Variants in SORCS1 observed in about 807,000 individuals in gnomAD.
The protein encoded by SORCS1 is VPS10 domain-containing receptor SorCS1.
In SORCS1, 60 loss-of-function variants were observed where a neutral mutation model predicts 146.1. The observed-to-expected ratio is 0.41, with a 90% CI of 0.33 to 0.51. SORCS1 has a LOEUF of 0.51. SORCS1 is among the 20% of genes least tolerant of loss of function. SORCS1 has a pLI of 0.21. For missense variants in SORCS1, 1,352 were observed against 1,487.6 expected, an observed-to-expected ratio of 0.91 and a Z score of 1.50; for synonymous variants, 637 against 584.0, an observed-to-expected ratio of 1.09 and a Z score of -1.31.
At chr10:106,612,224 T>C (rs1847041554) in intron 21 of SORCS1, among the ~76,000 whole-genome samples, 1 of 151,798 alleles carries the variant, frequency 6.6e-6, no homozygotes. Flanking sequence ...AGCGGAGAGT[T>C]TAATAGGCAA....
chr10:106,788,383 G>A (rs1466538807), intron 3 of SORCS1, among the ~76,000 whole-genome samples: 2 of 152,080 alleles, frequency 1.3e-5, no homozygotes, highest in Non-Finnish European at 2.9e-5. Context: ...GCATTGACTC[G>A]AAAATCTACA....
At chr10:106,979,335 G>T (rs1231447668) in intron 1 of SORCS1, among the ~76,000 whole-genome samples, 1 of 152,150 alleles carries the variant, frequency 6.6e-6, no homozygotes, top group African/African-American at 2.4e-5. Flanking sequence ...GGAACCCAGA[G>T]TCAAGATAAT....
At chr10:106,752,931 T>A (rs1424015413) in intron 5 of SORCS1, among the ~76,000 whole-genome samples, 2 of 152,296 alleles carry the variant, frequency 1.3e-5, no homozygotes, top group East Asian at 3.9e-4. Context: ...AAGCCTATTT[T>A]TAAAAAGCTG....
intron 2 of SORCS1, among the ~76,000 whole-genome samples, chr10:106,843,957 C>A (rs890036243): frequency 2.0e-5 from 3 of 152,120 alleles, no homozygotes; most frequent in African/African-American, 4.8e-5. Flanking sequence ...CATATTTAAA[C>A]TTTTAGGAGC....
At chr10:107,100,037 G>A (rs371419167) in intron 1 of SORCS1, among the ~76,000 whole-genome samples, 102 of 152,308 alleles carry the variant, frequency 6.7e-4, no homozygotes, top group Non-Finnish European at 1.2e-3. Flanking sequence ...CTGTTCCTGA[G>A]AAGCTGCAAT....
intron 3 of SORCS1, among the ~76,000 whole-genome samples, chr10:106,799,652 A>T (rs1475760736): frequency 6.6e-6 from 1 of 152,234 alleles, no homozygotes; most frequent in Non-Finnish European, 1.5e-5. Context: ...ACTGGCCATC[A>T]GAGAAACGCA....
intron 2 of SORCS1, among the ~76,000 whole-genome samples, chr10:106,843,545 C>T (rs186249628): frequency 1.2e-3 from 184 of 151,782 alleles, no homozygotes; most frequent in African/African-American, 4.4e-3. Flanking sequence ...CATTCTCCCA[C>T]CTCAGCCTCC....
intron 1 of SORCS1, among the ~76,000 whole-genome samples, chr10:107,073,350 A>C (rs942260206): frequency 2.6e-5 from 4 of 152,210 alleles, no homozygotes; most frequent in Non-Finnish European, 5.9e-5. Flanking sequence ...GCATTTCTTC[A>C]ATAAAAATAT....
At chr10:107,010,907 G>A (rs1035804954) in intron 1 of SORCS1, among the ~76,000 whole-genome samples, 1 of 152,104 alleles carries the variant, frequency 6.6e-6, no homozygotes, top group Non-Finnish European at 1.5e-5. Flanking sequence ...TCACCCCACT[G>A]AGACAGGAAC....
intron 6 of SORCS1, among the ~76,000 whole-genome samples, chr10:106,728,667 A>T (rs11598981): frequency 0.44 from 66,893 of 152,104 alleles, 14,791 homozygotes; most frequent in African/African-American, 0.48. Context: ...TATAGGGTTG[A>T]CCTGCTTTGT....
At chr10:106,959,710 G>A (rs943397806) in intron 1 of SORCS1, among the ~76,000 whole-genome samples, 3 of 152,140 alleles carry the variant, frequency 2.0e-5, no homozygotes, top group African/African-American at 4.8e-5. Flanking sequence ...TGGGAGTCTC[G>A]CTCTATTGCT....
At chr10:106,799,660 G>A (rs769847767) in intron 3 of SORCS1, among the ~76,000 whole-genome samples, 8 of 152,154 alleles carry the variant, frequency 5.3e-5, no homozygotes, top group Non-Finnish European at 1.0e-4. Flanking sequence ...TCAGAGAAAC[G>A]CAGATCAAAA....
chr10:107,157,544 C>G (rs1055028382), intron 1 of SORCS1, among the ~76,000 whole-genome samples: 1 of 152,086 alleles, frequency 6.6e-6, no homozygotes, highest in African/African-American at 2.4e-5. Context: ...GAAAAAAGGG[C>G]TATAACTGAT....
intron 1 of SORCS1, among the ~76,000 whole-genome samples, chr10:107,134,755 T>C (rs1450266966): frequency 6.6e-6 from 1 of 152,188 alleles, no homozygotes; most frequent in East Asian, 1.9e-4. Flanking sequence ...GTCATTATCG[T>C]TCCAGATACA....
In SORCS1 at chr10:107,120,638, C is replaced by G. The variant is rs141468938; in HGVS notation, c.558+43331G>C. On this transcript the variant is annotated intron_variant, in intron 1 of 25. Transcript: ENST00000263054. The stretch of plus-strand genomic sequence containing the variant: ...GCACAGGATAACCTAATAGATCTTT[C>G]CACCTGTTATTCCTCTAAGGGAGGA... Among the ~76,000 whole-genome samples the G allele has an allele frequency of 2.0e-3, 300 of 152,298 alleles. 1 individual carries two copies. The highest frequency in any genetic ancestry group is 7.0e-3 in the African/African-American group (291 of 41,552).
chr10:107,173,725 T>A, the SORCS1 span, among the ~76,000 whole-genome samples: 2 of 152,308 alleles, frequency 1.3e-5, no homozygotes, highest in South Asian at 2.1e-4. Context: ...GTATATGGCA[T>A]GAAGTAAGGT....
rs927290860 is a variant in SORCS1 at position 106,629,525 on chromosome 10, T to C, written c.2476-137A>G. On this transcript the variant is annotated intron_variant, in intron 18 of 25. Transcript: ENST00000263054. ...TGGCTCACTCCTACAGCTAGGAGCATCTGCCTGCCTTTGACAGAATCCCTG... is the reference window on the plus strand; with the variant it reads ...TGGCTCACTCCTACAGCTAGGAGCACCTGCCTGCCTTTGACAGAATCCCTG... The C allele has an allele frequency of 1.1e-5, 8 of 760,058 alleles. No individual in the cohort carries two copies. The Admixed American group carries it at 1.1e-4, about 10-fold the overall frequency. The allele number at this position is 760,058 out of a possible 1,614,324, so 47.1% of individuals were successfully genotyped here. A position where few individuals can be genotyped will look rare whatever the true frequency, so the allele number is the denominator to read the frequency against.
chr10:106,721,464 A>C (rs1455704153), intron 6 of SORCS1, among the ~76,000 whole-genome samples: 1 of 152,120 alleles, frequency 6.6e-6, no homozygotes, highest in Admixed American at 6.5e-5. Flanking sequence ...GAAGAAATAA[A>C]GGTAGTGACG....
At chr10:106,746,132 A>T (rs1292528209) in intron 5 of SORCS1, among the ~76,000 whole-genome samples, 1 of 152,108 alleles carries the variant, frequency 6.6e-6, no homozygotes, top group Non-Finnish European at 1.5e-5. Flanking sequence ...GGGATTCTGG[A>T]TTGTACCCTG....
Sources: allele counts gnomAD v4.1 joint callset (sites outside exome capture counted in the v4.1 genomes callset), GRCh38; gene constraint gnomAD v4.1.1; transcripts MANE v1.5; gene names NCBI Gene and HGNC (gene_info 2026-07-23, HGNC 2026-07-21).